The following PCMTD1 variants were observed in gnomAD, a reference collection of about 807,000 sequenced individuals.
PCMTD1 encodes protein-L-isoaspartate (D-aspartate) O-methyltransferase domain containing 1, also known as protein-L-isoaspartate O-methyltransferase domain-containing protein 1.
PCMTD1 carries 12 observed loss-of-function variants against 37.6 expected under a neutral mutation model. That is an observed-to-expected ratio of 0.32 (90% CI 0.20 to 0.52). PCMTD1 has a LOEUF of 0.52. Ranked by LOEUF, PCMTD1 falls within the 20% of genes least tolerant of loss-of-function variation. The probability of loss-of-function intolerance (pLI) is 0.97; values close to 1 mark genes in which losing one functional copy is unlikely to be tolerated. For missense variants in PCMTD1, 235 were observed against 421.3 expected, an observed-to-expected ratio of 0.56 and a Z score of 3.87; for synonymous variants, 117 against 135.8, an observed-to-expected ratio of 0.86 and a Z score of 0.96.
intron 3 of PCMTD1, among the ~76,000 whole-genome samples, chr8:51,838,922 G>A (rs902192615): frequency 6.6e-6 from 1 of 152,026 alleles, no homozygotes; most frequent in African/African-American, 2.4e-5. Flanking sequence ...AATGAAATCT[G>A]AGAAGGAAAA....
At chr8:51,890,372 A>C (rs550977118) in intron 1 of PCMTD1, among the ~76,000 whole-genome samples, 1 of 152,342 alleles carries the variant, frequency 6.6e-6, no homozygotes, top group South Asian at 2.1e-4. Context: ...GCATGTTCCA[A>C]AATTTGTTCT....
intron 2 of PCMTD1, among the ~76,000 whole-genome samples, chr8:51,853,229 C>A (rs1217578805): frequency 1.3e-5 from 2 of 152,070 alleles, no homozygotes; most frequent in South Asian, 4.1e-4. Context: ...ATGGACTGAC[C>A]CTGCAAGAGC....
chr8:51,845,026 CG>C (rs1248522419), intron 3 of PCMTD1: 1 of 152,212 alleles, frequency 6.6e-6, no homozygotes, highest in Non-Finnish European at 1.5e-5. Context: ...TGGATTTCAG[CG>C]TAAGTGCTCT....
At chr8:51,836,073 C>A (rs2038062481) in intron 3 of PCMTD1, among the ~76,000 whole-genome samples, 1 of 152,102 alleles carries the variant, frequency 6.6e-6, no homozygotes, top group Non-Finnish European at 1.5e-5. Flanking sequence ...AGACAAACAT[C>A]GAACAATCCT....
chr8:51,841,813 A>G (rs1018273028), intron 3 of PCMTD1, among the ~76,000 whole-genome samples: 9 of 152,232 alleles, frequency 5.9e-5, no homozygotes, highest in Non-Finnish European at 1.2e-4. Context: ...GAGAATGTAT[A>G]AAAGTACAAT....
chr8:51,891,543 G>A (rs1914370), intron 1 of PCMTD1, among the ~76,000 whole-genome samples: 104,262 of 151,532 alleles, frequency 0.69, 42,293 homozygotes, highest in Non-Finnish European at 0.9. Flanking sequence ...GTGACACAGC[G>A]AGGCCCTGTC....
intron 1 of PCMTD1, among the ~76,000 whole-genome samples, chr8:51,867,465 G>C (rs2038571300): frequency 6.9e-6 from 1 of 145,932 alleles, no homozygotes; most frequent in Admixed American, 6.8e-5. Flanking sequence ...AGAGGAATGG[G>C]TAAAGAAAAT....
At chr8:51,831,213 G>C (rs1039739751) in intron 5 of PCMTD1, among the ~76,000 whole-genome samples, 1 of 151,504 alleles carries the variant, frequency 6.6e-6, no homozygotes, top group Non-Finnish European at 1.5e-5. Context: ...CACAAGAATC[G>C]CTTGAACCCA....
At chr8:51,875,010 T>C (rs573863128) in intron 1 of PCMTD1, among the ~76,000 whole-genome samples, 1 of 152,330 alleles carries the variant, frequency 6.6e-6, no homozygotes, top group Admixed American at 6.5e-5. Flanking sequence ...TTGCAAGTTA[T>C]ATATTCTCAG....
rs748682592 is a variant in PCMTD1 at position 51,861,020 on chromosome 8, T to C, written c.132A>G (p.Glu44=). The C allele has an allele frequency of 1.7e-5, 27 of 1,614,142 alleles. No individual in the cohort carries two copies. In the South Asian group the frequency reaches 2.1e-4, roughly 12 times the overall value. The change falls in exon 2 of 6, where the codon GAA becomes GAG. Residue 44 remains glutamate, a synonymous_variant. Transcript: ENST00000522514. ...RAIDRGDYYL[E]GYRDNAYKDL... is the part of the protein sequence containing the mutation. ...CTTTGTAAGCATTGTCTCTGTAGCC[T>C]TCCAAATAGTAATCTCCACGATCAA...
intron 1 of PCMTD1, among the ~76,000 whole-genome samples, chr8:51,881,527 A>G (rs181171417): frequency 2.3e-4 from 35 of 152,356 alleles, no homozygotes; most frequent in Non-Finnish European, 3.4e-4. Context: ...GATAGCATCT[A>G]TATTTACATC....
chr8:51,868,703 CTT>C (rs2038595566), intron 1 of PCMTD1, among the ~76,000 whole-genome samples: 1 of 151,740 alleles, frequency 6.6e-6, no homozygotes, highest in African/African-American at 2.4e-5. Flanking sequence ...TAAATAATAA[CTT>C]AAACCACACC....
intron 5 of PCMTD1, chr8:51,827,277 T>A: frequency 8.2e-7 from 1 of 1,223,016 alleles, no homozygotes; most frequent in Non-Finnish European, 1.0e-6. Flanking sequence ...ACTTTTCTCC[T>A]TATTGTAGAA....
chr8:51,827,574 G>A (rs540751538), intron 5 of PCMTD1, among the ~76,000 whole-genome samples: 65 of 152,116 alleles, frequency 4.3e-4, no homozygotes, highest in African/African-American at 1.5e-3. Context: ...ATATATACAG[G>A]ATTTTGTACT....
intron 4 of PCMTD1, 63 bp from the exon 5 acceptor site, chr8:51,831,630 A>T: frequency 6.6e-7 from 1 of 1,515,214 alleles, no homozygotes; most frequent in South Asian, 1.3e-5. Flanking sequence ...GTCACCTTAC[A>T]GTCAAAACTT....
chr8:51,874,337 T>TC (rs2038682719), intron 1 of PCMTD1, among the ~76,000 whole-genome samples: 1 of 140,776 alleles, frequency 7.1e-6, no homozygotes. Context: ...ACCCCACCCA[T>TC]CCCCCGCCCC....
At chr8:51,878,414 T>A (rs1450471887) in intron 1 of PCMTD1, among the ~76,000 whole-genome samples, 1 of 152,142 alleles carries the variant, frequency 6.6e-6, no homozygotes, top group Non-Finnish European at 1.5e-5. Flanking sequence ...TTTCTTTAAG[T>A]TTGAAACTAT....
intron 5 of PCMTD1, among the ~76,000 whole-genome samples, chr8:51,824,184 A>T (rs1161584211): frequency 6.6e-6 from 1 of 152,228 alleles, no homozygotes; most frequent in Admixed American, 6.5e-5. Flanking sequence ...ATAGTATTGG[A>T]AGTTCTGGCC....
At chr8:51,879,299 A>C (rs2038758740) in intron 1 of PCMTD1, among the ~76,000 whole-genome samples, 1 of 152,224 alleles carries the variant, frequency 6.6e-6, no homozygotes, top group African/African-American at 2.4e-5. Context: ...GTTAGAAAAA[A>C]GTGGCATGAC....
Sources: gnomAD v4.1 joint callset for allele counts (sites outside exome capture counted in the v4.1 genomes callset) on GRCh38, gnomAD v4.1.1 for gene constraint, MANE v1.5 for transcripts, NCBI Gene and HGNC (gene_info 2026-07-23, HGNC 2026-07-21) for gene names.